Variants in PTPRE observed in about 807,000 individuals in gnomAD.
PTPRE encodes protein tyrosine phosphatase receptor type E, also known as receptor-type tyrosine-protein phosphatase epsilon.
A neutral mutation model predicts 102.0 loss-of-function variants in PTPRE; 51 were observed. That is an observed-to-expected ratio of 0.50 (90% CI 0.40 to 0.63). PTPRE has a LOEUF of 0.63. PTPRE is among the 30% of genes least tolerant of loss of function. PTPRE has a pLI of 0.00. For missense variants in PTPRE, 752 were observed against 915.1 expected, an observed-to-expected ratio of 0.82 and a Z score of 2.30; for synonymous variants, 345 against 348.2, an observed-to-expected ratio of 0.99 and a Z score of 0.10.
intron 1 of PTPRE, among the ~76,000 whole-genome samples, chr10:127,937,050 T>C (rs964153164): frequency 6.6e-6 from 1 of 152,128 alleles, no homozygotes; most frequent in Non-Finnish European, 1.5e-5. Context: ...CATAGGCAGT[T>C]CCATTCCCTG....
At chr10:127,913,993 C>A (rs1030155812) in intron 1 of PTPRE, among the ~76,000 whole-genome samples, 1 of 152,148 alleles carries the variant, frequency 6.6e-6, no homozygotes, top group Admixed American at 6.5e-5. Context: ...TGGTCCCCAG[C>A]GTTGGAGGTA....
chr10:128,063,468 G>C (rs896240933), intron 10 of PTPRE, among the ~76,000 whole-genome samples: 2 of 152,224 alleles, frequency 1.3e-5, no homozygotes, highest in African/African-American at 4.8e-5. Context: ...CTGCCTGCCT[G>C]ATGAGAGACA....
intron 20 of PTPRE, among the ~76,000 whole-genome samples, chr10:128,082,255 G>C (rs1851794002): frequency 7.8e-6 from 1 of 127,922 alleles, no homozygotes; most frequent in Admixed American, 9.5e-5. Flanking sequence ...ACCTAGGCTG[G>C]AGTGCAGTGG....
intron 1 of PTPRE, among the ~76,000 whole-genome samples, chr10:127,925,820 G>A (rs1199789949): frequency 1.3e-5 from 2 of 152,094 alleles, no homozygotes; most frequent in Non-Finnish European, 2.9e-5. Flanking sequence ...ACCTCCCCTG[G>A]GAGGTGGAGC....
chr10:128,082,525 GTT>G (rs528015137), intron 20 of PTPRE, among the ~76,000 whole-genome samples: 4 of 144,480 alleles, frequency 2.8e-5, no homozygotes, highest in African/African-American at 7.5e-5. Context: ...CTGGTTTTTT[GTT>G]TTTTTTTTTA....
At chr10:128,063,446 G>A (rs949953160) in intron 10 of PTPRE, among the ~76,000 whole-genome samples, 1 of 152,200 alleles carries the variant, frequency 6.6e-6, no homozygotes, top group African/African-American at 2.4e-5. Flanking sequence ...GCCCCCGGCT[G>A]GCCCCATGGC....
At chr10:128,014,327 A>G (rs943761034) in intron 2 of PTPRE, among the ~76,000 whole-genome samples, 6 of 152,150 alleles carry the variant, frequency 3.9e-5, no homozygotes, top group Admixed American at 2.0e-4. Flanking sequence ...TGTTCTCCCA[A>G]ACAACCGGAG....
At chr10:127,981,903 C>G (rs576799109) in intron 1 of PTPRE, among the ~76,000 whole-genome samples, 1 of 152,118 alleles carries the variant, frequency 6.6e-6, no homozygotes, top group South Asian at 2.1e-4. Flanking sequence ...AGTGAGCTGC[C>G]CCAGACCAGG....
chr10:128,081,692 G>T (rs552525684), intron 20 of PTPRE, among the ~76,000 whole-genome samples: 1 of 152,304 alleles, frequency 6.6e-6, no homozygotes, highest in African/African-American at 2.4e-5. Context: ...CCTTCTGAAG[G>T]CTGGGTGATC....
intron 2 of PTPRE, among the ~76,000 whole-genome samples, chr10:128,031,910 C>T (rs543336442): frequency 6.6e-6 from 1 of 152,260 alleles, no homozygotes; most frequent in African/African-American, 2.4e-5. Flanking sequence ...TCCAGGGGGC[C>T]GTATTTCCCT....
intron 1 of PTPRE, among the ~76,000 whole-genome samples, chr10:127,940,019 G>A (rs1848122762): frequency 6.6e-6 from 1 of 151,332 alleles, no homozygotes; most frequent in African/African-American, 2.4e-5. Flanking sequence ...GGTGCAGGCA[G>A]GTACAGACAG....
chr10:128,068,075 A>AG (rs1308018816), intron 11 of PTPRE, 48 bp from the exon 12 acceptor site: 6 of 1,570,632 alleles, frequency 3.8e-6, no homozygotes, highest in East Asian at 2.3e-5. Context: ...CTGGGGGAGC[A>AG]GGGGGAGGAT....
intron 17 of PTPRE, 76 bp from the exon 18 acceptor site, chr10:128,076,527 T>C: frequency 7.1e-7 from 1 of 1,417,350 alleles, no homozygotes; most frequent in Non-Finnish European, 9.4e-7. Context: ...TTGAGAACAA[T>C]TCTGTGTTAT....
At chr10:127,915,638 A>G (rs983307355) in intron 1 of PTPRE, among the ~76,000 whole-genome samples, 1 of 152,220 alleles carries the variant, frequency 6.6e-6, no homozygotes, top group African/African-American at 2.4e-5. Flanking sequence ...GAAATTTAAT[A>G]ATTTTGTACT....
At chr10:127,942,510 G>C (rs1848320600) in intron 1 of PTPRE, among the ~76,000 whole-genome samples, 1 of 152,186 alleles carries the variant, frequency 6.6e-6, no homozygotes, top group South Asian at 2.1e-4. Flanking sequence ...CCAAAATGTG[G>C]TCATACATGC....
In PTPRE at chr10:127,982,254, T is replaced by TTTTCTTC; in HGVS notation, c.-30-10_-30-4dup. 7.9e-7 allele frequency: 1 copy of TTTTCTTC among 1,260,442 alleles called. No individual in the cohort carries two copies. Among genetic ancestry groups the TTTTCTTC allele is most frequent in the Non-Finnish European group, 1.0e-6 (1 of 970,132 alleles). The allele number at this position is 1,260,442 out of a possible 1,614,324, so 78.1% of individuals were successfully genotyped here. On this transcript the variant is annotated intron_variant, in intron 1 of 20. Transcript: ENST00000254667. ...CTGTTAACCAGAAAACTGACTTTTT[T>TTTTCTTC]TTTCTTCTTTCTTCTTCAGACTATA...
In PTPRE at chr10:127,917,492, G is replaced by A. The variant is rs554198853; in HGVS notation, c.-31+10183G>A. Among the ~76,000 whole-genome samples, 6 of 152,018 alleles carry A rather than the reference G, an allele frequency of 3.9e-5. No homozygotes were observed. The East Asian group carries it at 1.2e-3, about 30-fold the overall frequency. On this transcript the variant is annotated intron_variant, in intron 1 of 20. Coordinates refer to ENST00000254667, the MANE Select transcript of PTPRE (RefSeq NM_006504.6). ...AGGCTAGGAGTTTGAGACCAGTCTGGGCGACATAGTGATACTGTCTCTAAA... is the reference window on the plus strand; with the variant it reads ...AGGCTAGGAGTTTGAGACCAGTCTGAGCGACATAGTGATACTGTCTCTAAA...
intron 17 of PTPRE, among the ~76,000 whole-genome samples, chr10:128,076,365 A>C (rs1019219826): frequency 4.6e-5 from 7 of 152,082 alleles, no homozygotes; most frequent in African/African-American, 1.7e-4. Context: ...CATATTGAAG[A>C]ATCTCTCCTT....
chr10:128,023,508 T>G (rs1846075465), intron 2 of PTPRE, among the ~76,000 whole-genome samples: 1 of 152,186 alleles, frequency 6.6e-6, no homozygotes, highest in South Asian at 2.1e-4. Context: ...TGACAGCATA[T>G]TGTTAGAATT....
Sources: gnomAD v4.1 joint callset for allele counts (sites outside exome capture counted in the v4.1 genomes callset) on GRCh38, gnomAD v4.1.1 for gene constraint, MANE v1.5 for transcripts, NCBI Gene and HGNC (gene_info 2026-07-23, HGNC 2026-07-21) for gene names.